NEK7: variants seen among roughly 807,000 people sequenced by gnomAD.
NEK7 encodes NIMA related kinase 7.
NEK7 carries 18 observed loss-of-function variants against 44.6 expected under a neutral mutation model. The observed-to-expected ratio is 0.40, with a 90% CI of 0.28 to 0.60. The LOEUF is 0.60. NEK7 is among the 20% of genes least tolerant of loss of function. The probability of loss-of-function intolerance (pLI) is 0.38; values close to 1 mark genes in which losing one functional copy is unlikely to be tolerated. For missense variants in NEK7, 256 were observed against 366.5 expected, an observed-to-expected ratio of 0.70 and a Z score of 2.46; for synonymous variants, 130 against 121.1, an observed-to-expected ratio of 1.07 and a Z score of -0.48.
At chr1:198,179,998 TC>T (rs1664715653) in intron 1 of NEK7, among the ~76,000 whole-genome samples, 1 of 152,128 alleles carries the variant, frequency 6.6e-6, no homozygotes, top group African/African-American at 2.4e-5. Flanking sequence ...GGAAATTATT[TC>T]CCACTCACTC....
intron 9 of NEK7, among the ~76,000 whole-genome samples, chr1:198,309,836 T>A (rs1367786542): frequency 6.6e-6 from 1 of 152,218 alleles, no homozygotes; most frequent in Non-Finnish European, 1.5e-5. Flanking sequence ...CTTAATCCAG[T>A]CTATCATTGT....
chr1:198,203,703 C>G (rs72751019), intron 1 of NEK7, among the ~76,000 whole-genome samples: 6,903 of 152,136 alleles, frequency 0.045, 244 homozygotes, highest in Middle Eastern at 0.071. Flanking sequence ...GCAGTCATGA[C>G]AGAAATAATA....
At chr1:198,212,188 G>A (rs367722916) in intron 1 of NEK7, among the ~76,000 whole-genome samples, 1 of 152,220 alleles carries the variant, frequency 6.6e-6, no homozygotes, top group Non-Finnish European at 1.5e-5. Context: ...TGAGATTTGT[G>A]TAGGGATGAA....
At chr1:198,220,238 C>G (rs183165597) in intron 1 of NEK7, among the ~76,000 whole-genome samples, 42 of 152,030 alleles carry the variant, frequency 2.8e-4, no homozygotes, top group Non-Finnish European at 1.5e-5. Flanking sequence ...GCTTTTATGT[C>G]TTTTTGACAT....
chr1:198,270,531 C>T (rs777443737), intron 5 of NEK7, among the ~76,000 whole-genome samples: 13 of 151,832 alleles, frequency 8.6e-5, no homozygotes, highest in Non-Finnish European at 1.6e-4. Flanking sequence ...CTGTTTCCTG[C>T]CAGGAGTTTG....
chr1:198,254,093 G>T (rs1653169962), intron 3 of NEK7, among the ~76,000 whole-genome samples: 1 of 151,160 alleles, frequency 6.6e-6, no homozygotes. Context: ...AACTTCTTAA[G>T]ATGATTAGTA....
chr1:198,299,582 C>T (rs957509504), intron 9 of NEK7, among the ~76,000 whole-genome samples: 2 of 152,008 alleles, frequency 1.3e-5, no homozygotes, highest in Non-Finnish European at 2.9e-5. Flanking sequence ...AATTTTATAG[C>T]TACAATGATA....
intron 1 of NEK7, among the ~76,000 whole-genome samples, chr1:198,168,491 A>G (rs757132001): frequency 3.3e-5 from 5 of 152,080 alleles, no homozygotes; most frequent in African/African-American, 9.7e-5. Flanking sequence ...TTGCATATGC[A>G]TTTTGAGAAT....
chr1:198,321,219 GAA>G lies in NEK7; in HGVS notation c.*1699_*1700del, dbSNP rs1474212612. The G allele has an allele frequency of 6.6e-6, 1 of 152,134 alleles. No individual in the cohort carries two copies. Among genetic ancestry groups the G allele is most frequent in the African/African-American group, 2.4e-5 (1 of 41,442 alleles). The allele number at this position is 152,134 out of a possible 1,614,324, so 9.4% of individuals were successfully genotyped here. A position where few individuals can be genotyped will look rare whatever the true frequency, so the allele number is the denominator to read the frequency against. On this transcript the variant is annotated 3_prime_UTR_variant, in exon 10 of 10. Coordinates refer to ENST00000367385, the MANE Select transcript of NEK7 (RefSeq NM_133494.3). ...CAAAAAGTCTGAACCCTTGTTTTCTGAAATCTAATCAGTTATGTATGGTTTCT... is the reference window on the plus strand; with the variant it reads ...CAAAAAGTCTGAACCCTTGTTTTCTGATCTAATCAGTTATGTATGGTTTCT...
chr1:198,221,026 C>T (rs1047413530), intron 1 of NEK7: 5 of 151,918 alleles, frequency 3.3e-5, no homozygotes, highest in African/African-American at 7.2e-5. Context: ...TAAGCTTGGA[C>T]GAATATGCTT....
At chr1:198,280,183 A>G (rs1654151097) in intron 7 of NEK7, among the ~76,000 whole-genome samples, 1 of 152,052 alleles carries the variant, frequency 6.6e-6, no homozygotes, top group Admixed American at 6.6e-5. Context: ...GCACTTTAAT[A>G]AAGTTTTATT....
intron 1 of NEK7, among the ~76,000 whole-genome samples, chr1:198,198,927 G>A (rs541444439): frequency 3.9e-5 from 6 of 152,288 alleles, no homozygotes; most frequent in African/African-American, 1.2e-4. Context: ...TGCCCACTTC[G>A]TGGTTGGTGA....
At chr1:198,232,882 A>T (rs1666440912) in intron 2 of NEK7, among the ~76,000 whole-genome samples, 1 of 150,390 alleles carries the variant, frequency 6.6e-6, no homozygotes, top group Non-Finnish European at 1.5e-5. Context: ...TATGTGTAAT[A>T]TATTATTTAT....
chr1:198,172,364 C>T (rs993016210), intron 1 of NEK7, among the ~76,000 whole-genome samples: 4 of 152,170 alleles, frequency 2.6e-5, no homozygotes, highest in African/African-American at 9.7e-5. Flanking sequence ...TGTTTCCTGC[C>T]TTGTTGAGGA....
At chr1:198,247,245 G>C (rs948179466) in intron 2 of NEK7, among the ~76,000 whole-genome samples, 3 of 151,960 alleles carry the variant, frequency 2.0e-5, no homozygotes, top group Non-Finnish European at 4.4e-5. Context: ...TTTTAAACAT[G>C]TTTCTATTCC....
At chr1:198,167,499 A>G (rs1664303106) in intron 1 of NEK7, among the ~76,000 whole-genome samples, 1 of 152,212 alleles carries the variant, frequency 6.6e-6, no homozygotes, top group Admixed American at 6.5e-5. Flanking sequence ...GCAAGGTGAA[A>G]GAAAATAGTA....
chr1:198,219,852 T>C (rs1416445828), intron 1 of NEK7, among the ~76,000 whole-genome samples: 1 of 149,846 alleles, frequency 6.7e-6, no homozygotes, highest in Admixed American at 6.8e-5. Context: ...CTTTTGATTA[T>C]TTGGCTAATG....
chr1:198,304,094 T>G (rs1209486951), intron 9 of NEK7, among the ~76,000 whole-genome samples: 1 of 152,178 alleles, frequency 6.6e-6, no homozygotes, highest in African/African-American at 2.4e-5. Context: ...GCAGTCCCTT[T>G]GTTCACCTAT....
chr1:198,204,309 C>T (rs946259487), intron 1 of NEK7, among the ~76,000 whole-genome samples: 1 of 152,118 alleles, frequency 6.6e-6, no homozygotes, highest in Non-Finnish European at 1.5e-5. Context: ...AGTCATAACA[C>T]TTATTTTTTG....
Sources: gnomAD v4.1 joint callset for allele counts (sites outside exome capture counted in the v4.1 genomes callset) on GRCh38, gnomAD v4.1.1 for gene constraint, MANE v1.5 for transcripts, NCBI Gene and HGNC (gene_info 2026-07-23, HGNC 2026-07-21) for gene names.